Variants in SEZ6L observed in about 807,000 individuals in gnomAD.
SEZ6L encodes the protein seizure related 6 homolog like.
SEZ6L carries 37 observed loss-of-function variants against 106.2 expected under a neutral mutation model. That is an observed-to-expected ratio of 0.35 (90% CI 0.27 to 0.46). The LOEUF is 0.46. Ranked by LOEUF, SEZ6L falls within the 20% of genes least tolerant of loss-of-function variation. SEZ6L has a pLI of 1.00. For missense variants in SEZ6L, 1,172 were observed against 1,332.8 expected (o/e 0.88, Z 1.88); for synonymous variants, 541 against 570.4 (o/e 0.95, Z 0.73).
At chr22:26,258,683 T>C (rs1242025380) in intron 1 of SEZ6L, among the ~76,000 whole-genome samples, 1 of 152,220 alleles carries the variant, frequency 6.6e-6, no homozygotes, top group Non-Finnish European at 1.5e-5. Context: ...TTCTAATCAC[T>C]ATGTTGTATA....
At chr22:26,346,194 A>T (rs1344131171) in intron 10 of SEZ6L, among the ~76,000 whole-genome samples, 1 of 151,596 alleles carries the variant, frequency 6.6e-6, no homozygotes, top group South Asian at 2.1e-4. Context: ...TACCTGGCTC[A>T]TTTTTTTGGT....
At chr22:26,194,718 C>G (rs1414235850) in intron 1 of SEZ6L, among the ~76,000 whole-genome samples, 1 of 152,146 alleles carries the variant, frequency 6.6e-6, no homozygotes, top group Non-Finnish European at 1.5e-5. Flanking sequence ...GATTTGAATC[C>G]CAGCTCCTCC....
chr22:26,375,689 G>A lies in SEZ6L; in HGVS notation c.2942G>A (p.Arg981Lys). ...GGAGGAGCCTACATTTACATCACAAGGTAGGGAGCTGATGGGGGAGATGAC... is the reference window on the plus strand; with the variant it reads ...GGAGGAGCCTACATTTACATCACAAAGTAGGGAGCTGATGGGGGAGATGAC... ...LLGGAYIYITRCRYYSNLRLP... is the reference protein window; with the variant it reads ...LLGGAYIYITKCRYYSNLRLP... Residue 981 changes from arginine (R) to lysine (K), a missense_variant and splice_region_variant, in exon 15 of 17, where the codon AGA becomes AAA. Physicochemically the swap from Arg to Lys is conservative, Grantham distance 26. Transcript: ENST00000248933. 1 of 1,609,132 alleles carries A rather than the reference G, an allele frequency of 6.2e-7. No homozygotes were observed. The highest frequency in any genetic ancestry group is 8.5e-7 in the Non-Finnish European group (1 of 1,176,018).
chr22:26,203,540 T>C lies in SEZ6L; in HGVS notation c.94+33777T>C, dbSNP rs148284512. 2.0e-5 allele frequency among the ~76,000 whole-genome samples: 3 copies of C among 152,324 alleles called. No individual in the cohort carries two copies. The East Asian group carries it at 5.8e-4, about 29-fold the overall frequency. Reference sequence around the variant, plus strand: ...ATTTGGATTTATCATTTGTCACATTTCTTTCCTCTCTGAGCCTAGTCTTCC... The same window carrying C: ...ATTTGGATTTATCATTTGTCACATTCCTTTCCTCTCTGAGCCTAGTCTTCC... On this transcript the variant is annotated intron_variant, in intron 1 of 16. Coordinates refer to ENST00000248933, the MANE Select transcript of SEZ6L (RefSeq NM_021115.5).
chr22:26,240,746 C>T (rs1460171797), intron 1 of SEZ6L, among the ~76,000 whole-genome samples: 1 of 152,024 alleles, frequency 6.6e-6, no homozygotes, highest in African/African-American at 2.4e-5. Context: ...AAATCCTTGC[C>T]CTCGTGGAGC....
intron 13 of SEZ6L, among the ~76,000 whole-genome samples, chr22:26,370,331 G>A (rs905516652): frequency 6.6e-5 from 10 of 152,214 alleles, no homozygotes; most frequent in African/African-American, 2.4e-4. Context: ...CTTGCGGTGA[G>A]CTGAGATCGA....
At chr22:26,334,752 C>A (rs1190324343) in intron 9 of SEZ6L, among the ~76,000 whole-genome samples, 1 of 152,168 alleles carries the variant, frequency 6.6e-6, no homozygotes, top group Non-Finnish European at 1.5e-5. Context: ...GCCAGGAGCT[C>A]ACACTTTGTG....
rs2081252967 is a variant in SEZ6L at position 26,294,894 on chromosome 22, TTGCTTGCTTGCTTCCTG to T, written c.969+470_969+486del. Among the ~76,000 whole-genome samples, 214 of 146,682 alleles carry T rather than the reference TTGCTTGCTTGCTTCCTG, an allele frequency of 1.5e-3. 3 individuals carry two copies. Among genetic ancestry groups the T allele is most frequent in the African/African-American group, 5.3e-3 (208 of 39,376 alleles). On this transcript the variant is annotated intron_variant, in intron 3 of 16. Transcript: ENST00000248933. ...TTCTCTTTCTTTCTTTCTTTCTTGC[TTGCTTGCTTGCTTCCTG>T]CTTTCTTGCTTCTTTCTCTTTCTCT...
chr22:26,339,605 T>A (rs947644487), intron 9 of SEZ6L, among the ~76,000 whole-genome samples: 19 of 152,186 alleles, frequency 1.2e-4, no homozygotes, highest in African/African-American at 4.3e-4. Flanking sequence ...ATCTCATAAG[T>A]AAGGTGCCTC....
intron 1 of SEZ6L, among the ~76,000 whole-genome samples, chr22:26,283,111 G>A (rs2080825231): frequency 1.3e-5 from 2 of 152,080 alleles, no homozygotes; most frequent in African/African-American, 4.8e-5. Flanking sequence ...TAGTAGAGAT[G>A]GGGTTTCACC....
chr22:26,333,740 A>C (rs1475228408), intron 9 of SEZ6L, among the ~76,000 whole-genome samples: 2 of 152,168 alleles, frequency 1.3e-5, no homozygotes, highest in Non-Finnish European at 2.9e-5. Context: ...GGCCCCAAGT[A>C]ATGACTGAGC....
intron 9 of SEZ6L, among the ~76,000 whole-genome samples, chr22:26,339,617 A>G (rs531773901): frequency 3.3e-5 from 5 of 152,354 alleles, no homozygotes; most frequent in Admixed American, 6.5e-5. Context: ...AGGTGCCTCC[A>G]TCCCACCTCT....
chr22:26,210,833 G>A (rs1430596628), intron 1 of SEZ6L, among the ~76,000 whole-genome samples: 1 of 152,182 alleles, frequency 6.6e-6, no homozygotes, highest in Non-Finnish European at 1.5e-5. Flanking sequence ...TAAAGGATTT[G>A]TTCCAACATT....
Position 26,310,865 on chromosome 22 carries a change from C to T in SEZ6L, c.1681+29C>T, listed in dbSNP as rs776785414. On this transcript the variant is annotated intron_variant, in intron 7 of 16. Transcript: ENST00000248933. ...AGGGTCCCTGGGAGCTTCCCTTTCT[C>T]TTGTGGGGCTGGGGGTAGCCTGGGA... The T allele has an allele frequency of 1.8e-5, 29 of 1,607,186 alleles. 1 individual carries two copies. The South Asian group carries it at 3.1e-4, about 17-fold the overall frequency.
chr22:26,304,555 A>G (rs1293609919), intron 5 of SEZ6L, among the ~76,000 whole-genome samples: 1 of 152,166 alleles, frequency 6.6e-6, no homozygotes, highest in Non-Finnish European at 1.5e-5. Context: ...TGAGAACTGG[A>G]AAGTGTTCTT....
intron 5 of SEZ6L, among the ~76,000 whole-genome samples, chr22:26,301,876 A>T (rs2081464897): frequency 6.6e-6 from 1 of 152,220 alleles, no homozygotes; most frequent in South Asian, 2.1e-4. Flanking sequence ...TCAGGACAGG[A>T]GGCTGGGGCA....
rs766671706 is a variant in SEZ6L, at chr22:26,382,895, C to T, written c.*2600C>T. ...ATGGACTGAGCCTTCCTACAAGCCA[C>T]TCTTTGTTTTTAAAACAGTGGGGAA... On this transcript the variant is annotated 3_prime_UTR_variant, in exon 17 of 17. Transcript: ENST00000248933. 5 of 152,096 alleles carry T rather than the reference C, an allele frequency of 3.3e-5. No individual in the cohort carries two copies. The highest frequency in any genetic ancestry group is 5.9e-5 in the Non-Finnish European group (4 of 68,022). 9.4% of individuals were successfully genotyped at this position (152,096 alleles called of 1,614,324 possible).
intron 1 of SEZ6L, among the ~76,000 whole-genome samples, chr22:26,216,032 A>G (rs985650408): frequency 6.6e-6 from 1 of 152,154 alleles, no homozygotes; most frequent in Non-Finnish European, 1.5e-5. Context: ...ATTGGATTTG[A>G]GTGATTCCCA....
chr22:26,188,413 G>T (rs894034184), intron 1 of SEZ6L, among the ~76,000 whole-genome samples: 2 of 152,176 alleles, frequency 1.3e-5, no homozygotes, highest in African/African-American at 4.8e-5. Context: ...TGCATGTCTG[G>T]TAGCTTGAGC....
Sources: gnomAD v4.1 joint callset for allele counts (sites outside exome capture counted in the v4.1 genomes callset) on GRCh38, gnomAD v4.1.1 for gene constraint, MANE v1.5 for transcripts, NCBI Gene and HGNC (gene_info 2026-07-23, HGNC 2026-07-21) for gene names.